INSL6: variants seen among roughly 807,000 people sequenced by gnomAD.
INSL6 encodes insulin like 6.
In INSL6, 16 loss-of-function variants were observed where a neutral mutation model predicts 9.4. The observed-to-expected ratio is 1.70, with a 90% CI of 1.15 to 2.59. INSL6 has a LOEUF of 2.59. Ranked by LOEUF, INSL6 falls within the 30% of genes most tolerant of loss-of-function variation. The pLI, the probability that INSL6 is intolerant of heterozygous loss-of-function variation, is 0.00. For missense variants in INSL6, 391 were observed against 257.3 expected, an observed-to-expected ratio of 1.52 and a Z score of -3.56; for synonymous variants, 154 against 96.9, an observed-to-expected ratio of 1.59 and a Z score of -3.46.
At chr9:5,130,361 C>T (rs1156678148) in intron 3 of INSL6, among the ~76,000 whole-genome samples, 1 of 152,122 alleles carries the variant, frequency 6.6e-6, no homozygotes, top group Non-Finnish European at 1.5e-5. Context: ...CAGACAGAAG[C>T]ATAGCTTTTA....
rs528649799 is a variant in INSL6 at position 5,134,990 on chromosome 9, C to T, written c.377-1398G>A. On this transcript the variant is annotated intron_variant, in intron 2 of 3. Transcript: ENST00000649639. ...GGCTCAAAATAAAGGAATGGAGGAA[C>T]ATTTACCAAGCAAATGGAAAGCAAG... 1.8e-4 allele frequency among the ~76,000 whole-genome samples: 27 copies of T among 152,134 alleles called. No homozygotes were observed. The East Asian group carries it at 4.3e-3, about 24-fold the overall frequency.
chr9:5,037,095 G>T, the INSL6 span, among the ~76,000 whole-genome samples: 1 of 151,874 alleles, frequency 6.6e-6, no homozygotes, highest in East Asian at 1.9e-4. Context: ...GCAGCCAAAA[G>T]ACATGAAAAA....
chr9:5,123,830 T>C (rs895026577), downstream of INSL6, among the ~76,000 whole-genome samples: 3 of 151,664 alleles, frequency 2.0e-5, no homozygotes, highest in African/African-American at 7.3e-5. Context: ...TTTCTCTCTC[T>C]CATTTTTTTT....
exon 4 of INSL6, among the ~76,000 whole-genome samples, chr9:5,124,102 G>A (rs1309259074): frequency 6.6e-6 from 1 of 151,688 alleles, no homozygotes; most frequent in Admixed American, 6.6e-5. Flanking sequence ...ATAAATTCTG[G>A]ATGGTAGTTC....
At chr9:5,058,980 T>A in the INSL6 span, among the ~76,000 whole-genome samples, 1 of 152,228 alleles carries the variant, frequency 6.6e-6, no homozygotes, top group Non-Finnish European at 1.5e-5. Context: ...TTCCATAGAT[T>A]GCTTTTCACT....
chr9:5,089,609 T>TATAG, the INSL6 span: 1 of 541,402 alleles, frequency 1.8e-6, no homozygotes, highest in Non-Finnish European at 2.8e-6. Context: ...TATATAATTA[T>TATAG]AAAATTTATT....
the INSL6 span, chr9:5,064,768 G>T: frequency 2.5e-5 from 17 of 691,158 alleles, no homozygotes; most frequent in Non-Finnish European, 3.7e-5. Flanking sequence ...AGCCATAAAA[G>T]ATATGAGCAA....
chr9:5,043,924 T>G, the INSL6 span, among the ~76,000 whole-genome samples: 20 of 152,224 alleles, frequency 1.3e-4, no homozygotes, highest in Non-Finnish European at 2.4e-4. Flanking sequence ...AATTTTACAC[T>G]TTAAGTGGGT....
chr9:5,081,901 T>A, the INSL6 span: 1 of 1,525,784 alleles, frequency 6.6e-7, no homozygotes, highest in Non-Finnish European at 9.0e-7. Context: ...TATAATCATT[T>A]CATTTAGGAA....
chr9:5,163,537 G>C (rs544919593), downstream of INSL6, among the ~76,000 whole-genome samples: 2 of 152,272 alleles, frequency 1.3e-5, no homozygotes, highest in South Asian at 4.2e-4. Flanking sequence ...CGACATCTTG[G>C]AGTAAGTATA....
the INSL6 span, among the ~76,000 whole-genome samples, chr9:5,081,040 C>T: frequency 1.3e-5 from 2 of 151,572 alleles, no homozygotes; most frequent in South Asian, 2.1e-4. Flanking sequence ...GGACTACAGG[C>T]GCCCGCCACC....
At chr9:5,080,202 C>T in the INSL6 span, 2 of 1,561,266 alleles carry the variant, frequency 1.3e-6, no homozygotes, top group African/African-American at 2.7e-5. Flanking sequence ...AATTATTTAA[C>T]CCTACTCTGT....
the INSL6 span, among the ~76,000 whole-genome samples, chr9:5,028,807 C>T: frequency 2.6e-5 from 4 of 152,190 alleles, no homozygotes; most frequent in Non-Finnish European, 4.4e-5. Context: ...CCTCTCTCAG[C>T]CTTCACAGGT....
intron 2 of INSL6, among the ~76,000 whole-genome samples, chr9:5,157,677 A>T (rs1824841280): frequency 1.3e-5 from 2 of 152,332 alleles, no homozygotes; most frequent in South Asian, 2.1e-4. Context: ...AATTTAAGTG[A>T]AACACCCAAG....
the INSL6 span, chr9:5,044,568 T>G: frequency 8.4e-7 from 1 of 1,187,376 alleles, no homozygotes; most frequent in East Asian, 2.4e-5. Context: ...GATAAATATC[T>G]TGCTGTTTAA....
At chr9:5,091,168 A>C in the INSL6 span, 3 of 285,128 alleles carry the variant, frequency 1.1e-5, no homozygotes, top group South Asian at 2.2e-4. Flanking sequence ...ACTGTCTCCT[A>C]TTTATTGAGG....
chr9:5,140,788 G>A (rs537055898), intron 2 of INSL6, among the ~76,000 whole-genome samples: 2 of 152,010 alleles, frequency 1.3e-5, no homozygotes, highest in East Asian at 1.9e-4. Flanking sequence ...TGTGCCATGG[G>A]GGTTTGCTGT....
chr9:5,002,355 A>G, the INSL6 span, among the ~76,000 whole-genome samples: 1 of 151,912 alleles, frequency 6.6e-6, no homozygotes. Context: ...TCAGGTGAAA[A>G]TAATTTCTGA....
At chr9:5,063,078 C>G in the INSL6 span, among the ~76,000 whole-genome samples, 1 of 152,188 alleles carries the variant, frequency 6.6e-6, no homozygotes, top group Middle Eastern at 3.4e-3. Context: ...ATAGTTCAAA[C>G]ATGTCACATG....
Sources: gnomAD v4.1 joint callset for allele counts (sites outside exome capture counted in the v4.1 genomes callset) on GRCh38, gnomAD v4.1.1 for gene constraint, MANE v1.5 for transcripts, NCBI Gene and HGNC (gene_info 2026-07-23, HGNC 2026-07-21) for gene names.